Variants in PCDH15 observed in about 807,000 individuals in gnomAD.
PCDH15 encodes protocadherin-15.
PCDH15 carries 129 observed loss-of-function variants against 178.5 expected under a neutral mutation model. The observed-to-expected ratio is 0.72, with a 90% CI of 0.63 to 0.84. The LOEUF is 0.84. Among genes scored for constraint, PCDH15 ranks in the 40% least tolerant of loss-of-function variants. The pLI is 0.00. For missense variants in PCDH15, 2,230 were observed against 2,099.9 expected (o/e 1.06, Z -1.21); for synonymous variants, 800 against 732.0 (o/e 1.09, Z -1.50).
chr10:55,345,773 C>A (rs990216053), intron 2 of PCDH15, among the ~76,000 whole-genome samples: 1 of 140,172 alleles, frequency 7.1e-6, no homozygotes, highest in African/African-American at 2.4e-5. Context: ...TTCTTATACA[C>A]TCTACTGAAT....
At chr10:54,217,136 A>C (rs1009312741) in intron 9 of PCDH15, among the ~76,000 whole-genome samples, 1 of 152,186 alleles carries the variant, frequency 6.6e-6, no homozygotes, top group Non-Finnish European at 1.5e-5. Context: ...ATAAACACTG[A>C]AACTAAATTT....
chr10:54,655,006 T>A (rs2094345252), intron 2 of PCDH15: 1 of 152,170 alleles, frequency 6.6e-6, no homozygotes, highest in African/African-American at 2.4e-5. Flanking sequence ...GGTCAGGAGA[T>A]CGAGACCATC....
intron 1 of PCDH15, among the ~76,000 whole-genome samples, chr10:54,690,796 A>G (rs1681822173): frequency 6.6e-6 from 1 of 152,078 alleles, no homozygotes; most frequent in Admixed American, 6.6e-5. Flanking sequence ...CACCTATTAT[A>G]TTTGAAACTG....
At chr10:54,142,482 T>A (rs2043501034) in intron 14 of PCDH15, among the ~76,000 whole-genome samples, 1 of 152,036 alleles carries the variant, frequency 6.6e-6, no homozygotes, top group Non-Finnish European at 1.5e-5. Flanking sequence ...AAACTGTAGG[T>A]GTGTGAGATG....
intron 2 of PCDH15, among the ~76,000 whole-genome samples, chr10:55,104,337 T>C (rs956106722): frequency 1.1e-4 from 16 of 152,182 alleles, no homozygotes; most frequent in African/African-American, 3.4e-4. Flanking sequence ...CCTCCTGTTA[T>C]CTTGACATTT....
chr10:54,727,259 C>CCA (rs1942694370), intron 1 of PCDH15, among the ~76,000 whole-genome samples: 1 of 151,234 alleles, frequency 6.6e-6, no homozygotes, highest in Non-Finnish European at 1.5e-5. Context: ...CACATTGAGA[C>CCA]CACAGCACAA....
At position 53,965,256 on chromosome 10, in the gene PCDH15, C is replaced by A. The variant is rs12250989; in HGVS notation, c.2869-3364G>T. On this transcript the variant is annotated intron_variant, in intron 21 of 37. Transcript: ENST00000644397. ...TCTATTTTTAGTAGAGATAGGGTTT[C>A]ACTATGTTGGCCAGCCAGGTCTTAA... 3.4e-3 allele frequency among the ~76,000 whole-genome samples: 512 copies of A among 152,142 alleles called. 4 individuals carry two copies. The highest frequency in any genetic ancestry group is 0.012 in the African/African-American group (489 of 41,500).
chr10:55,173,338 TGTG>T (rs1564861221), intron 1 of PCDH15, among the ~76,000 whole-genome samples: 41 of 150,532 alleles, frequency 2.7e-4, no homozygotes, highest in Middle Eastern at 6.9e-3. Flanking sequence ...TGTGTGTGTG[TGTG>T]TGTGTATGTG....
At chr10:53,905,128 T>C (rs1324273703) in intron 25 of PCDH15, 1 of 515,944 alleles carries the variant, frequency 1.9e-6, no homozygotes, top group Non-Finnish European at 3.9e-6. Context: ...CTAATAAATA[T>C]ATCTTGTGTC....
intron 5 of PCDH15, among the ~76,000 whole-genome samples, chr10:54,351,914 G>A (rs1428152135): frequency 6.6e-6 from 1 of 152,140 alleles, no homozygotes; most frequent in Non-Finnish European, 1.5e-5. Context: ...GCACATGCAA[G>A]TAGAATAACC....
intron 1 of PCDH15, among the ~76,000 whole-genome samples, chr10:55,213,212 T>C (rs1158922904): frequency 1.3e-5 from 2 of 152,036 alleles, no homozygotes; most frequent in African/African-American, 2.4e-5. Context: ...AATAGATGGT[T>C]GGATTAAAAT....
At chr10:55,193,501 C>T (rs904672825) in intron 1 of PCDH15, among the ~76,000 whole-genome samples, 1 of 151,862 alleles carries the variant, frequency 6.6e-6, no homozygotes. Flanking sequence ...CAAGATAATG[C>T]ATTTATAAAA....
At chr10:54,577,283 G>A (rs1462509710) in intron 2 of PCDH15, among the ~76,000 whole-genome samples, 4 of 147,656 alleles carry the variant, frequency 2.7e-5, no homozygotes, top group Admixed American at 6.8e-5. Flanking sequence ...TAGTAGAGAC[G>A]GGGTTTCACC....
At chr10:54,572,497 CGA>C (rs2089969790) in intron 2 of PCDH15, among the ~76,000 whole-genome samples, 1 of 151,960 alleles carries the variant, frequency 6.6e-6, no homozygotes, top group Non-Finnish European at 1.5e-5. Context: ...GAAAGGAAAA[CGA>C]AAAGAGAGGA....
chr10:54,708,501 T>C (rs1313292075), intron 1 of PCDH15, among the ~76,000 whole-genome samples: 6 of 152,188 alleles, frequency 3.9e-5, no homozygotes, highest in Admixed American at 1.3e-4. Flanking sequence ...AAGAAAATTT[T>C]TGATTAGACA....
At chr10:55,394,507 G>A (rs748873921) in intron 2 of PCDH15, among the ~76,000 whole-genome samples, 29 of 151,752 alleles carry the variant, frequency 1.9e-4, no homozygotes, top group Non-Finnish European at 1.2e-4. Flanking sequence ...GAATTAAAGC[G>A]CACCCTGCCC....
chr10:55,559,497 T>C (rs1842151668), intron 2 of PCDH15, among the ~76,000 whole-genome samples: 1 of 151,998 alleles, frequency 6.6e-6, no homozygotes. Flanking sequence ...GCATGTCATA[T>C]GTGAGAAATG....
chr10:53,881,919 G>A (rs1423529725), intron 26 of PCDH15, among the ~76,000 whole-genome samples: 1 of 151,674 alleles, frequency 6.6e-6, no homozygotes, highest in African/African-American at 2.4e-5. Context: ...TTACTATACA[G>A]GATGATTAAC....
At chr10:54,580,688 C>T (rs2090954988) in intron 2 of PCDH15, among the ~76,000 whole-genome samples, 1 of 151,892 alleles carries the variant, frequency 6.6e-6, no homozygotes, top group South Asian at 2.1e-4. Context: ...AACATAAACA[C>T]AAAAATCTCC....
Sources: gnomAD v4.1 joint callset for allele counts (sites outside exome capture counted in the v4.1 genomes callset) on GRCh38, gnomAD v4.1.1 for gene constraint, MANE v1.5 for transcripts, NCBI Gene and HGNC (gene_info 2026-07-23, HGNC 2026-07-21) for gene names.